Variants in DSCAML1 observed in about 807,000 individuals in gnomAD.
DSCAML1 encodes cell adhesion molecule DSCAML1.
Under a neutral mutation model 200.5 loss-of-function variants are expected in DSCAML1, and 38 were observed. The ratio of observed to expected loss-of-function variants is 0.19; its 90% CI spans 0.15 to 0.25. DSCAML1 has a LOEUF of 0.25. DSCAML1 is among the 10% of genes least tolerant of loss of function. The probability of loss-of-function intolerance (pLI) is 1.00; values close to 1 mark genes in which losing one functional copy is unlikely to be tolerated. For missense variants in DSCAML1, 2,223 were observed against 2,858.8 expected (o/e 0.78, Z 5.07); for synonymous variants, 1,215 against 1,165.0 (o/e 1.04, Z -0.87).
intron 11 of DSCAML1, 34 bp from the exon 12 acceptor site, chr11:117,482,196 G>C (rs770743480): frequency 1.2e-6 from 2 of 1,611,824 alleles, no homozygotes; most frequent in Admixed American, 1.7e-5. Context: ...CCCAGTGAAG[G>C]TCGGGAGACC....
intron 19 of DSCAML1, among the ~76,000 whole-genome samples, chr11:117,457,872 G>T (rs1378601093): frequency 1.3e-5 from 2 of 152,214 alleles, no homozygotes; most frequent in Non-Finnish European, 2.9e-5. Flanking sequence ...TGGAAAGGAA[G>T]CCACCATGCC....
chr11:117,699,860 C>T (rs1459519132), intron 3 of DSCAML1, among the ~76,000 whole-genome samples: 1 of 152,240 alleles, frequency 6.6e-6, no homozygotes, highest in African/African-American at 2.4e-5. Flanking sequence ...CATACACATA[C>T]ACTCCACCCA....
At chr11:117,703,132 A>G (rs2053697717) in intron 3 of DSCAML1, among the ~76,000 whole-genome samples, 1 of 152,194 alleles carries the variant, frequency 6.6e-6, no homozygotes, top group African/African-American at 2.4e-5. Context: ...GGGGAGCAGA[A>G]GCCAGAGCCT....
chr11:117,669,784 A>G (rs1203490553), intron 3 of DSCAML1, among the ~76,000 whole-genome samples: 1 of 152,214 alleles, frequency 6.6e-6, no homozygotes. Flanking sequence ...CTGAAGGAAC[A>G]TGTGCAAAGG....
chr11:117,669,029 C>A (rs146111310), intron 3 of DSCAML1, among the ~76,000 whole-genome samples: 19 of 152,218 alleles, frequency 1.2e-4, no homozygotes, highest in African/African-American at 4.6e-4. Context: ...TTCCAGCCAC[C>A]TCTCCTCTCC....
chr11:117,627,672 G>C (rs953793035), intron 3 of DSCAML1, among the ~76,000 whole-genome samples: 1 of 152,012 alleles, frequency 6.6e-6, no homozygotes, highest in Non-Finnish European at 1.5e-5. Flanking sequence ...GAACTCCTGC[G>C]CCAGGCACTT....
chr11:117,531,931 AGGAGGGAGGAGGGAG>A lies in DSCAML1; in HGVS notation c.658+430_658+444del, dbSNP rs1362413694. 9.8e-5 allele frequency among the ~76,000 whole-genome samples: 6 copies of A among 60,996 alleles called. No homozygotes were observed. The East Asian group carries it at 1.5e-3, about 15-fold the overall frequency. 40.0% of individuals were successfully genotyped at this position (60,996 alleles called of 152,430 possible). ...AAGGGAAGGAAAGGGAAGGGAAGGG[AGGAGGGAGGAGGGAG>A]GGAGGGAGGGAGGGAGGGAGGGACG... On this transcript the variant is annotated intron_variant, in intron 4 of 32. Coordinates refer to ENST00000651296, the MANE Select transcript of DSCAML1 (RefSeq NM_020693.4).
chr11:117,644,104 C>G (rs1345653138), intron 3 of DSCAML1, among the ~76,000 whole-genome samples: 1 of 152,186 alleles, frequency 6.6e-6, no homozygotes, highest in Non-Finnish European at 1.5e-5. Context: ...GGAAGGGGCC[C>G]GTGATGAAGT....
intron 3 of DSCAML1, among the ~76,000 whole-genome samples, chr11:117,689,603 T>TG (rs1394450223): frequency 6.6e-6 from 1 of 151,512 alleles, no homozygotes; most frequent in African/African-American, 2.4e-5. Flanking sequence ...GGACATAGAG[T>TG]GGGGGTGAAG....
At chr11:117,635,444 T>C (rs542077084) in intron 3 of DSCAML1, among the ~76,000 whole-genome samples, 34 of 146,744 alleles carry the variant, frequency 2.3e-4, no homozygotes, top group African/African-American at 9.1e-4. Flanking sequence ...TCCTAGTGTG[T>C]GTGGTGTGTG....
intron 16 of DSCAML1, among the ~76,000 whole-genome samples, chr11:117,468,196 G>A (rs2511050): frequency 0.13 from 20,174 of 151,948 alleles, 1,931 homozygotes; most frequent in African/African-American, 0.27. Flanking sequence ...AGGGCTGATT[G>A]CAAATTTATG....
At chr11:117,765,361 T>C (rs557356299) in intron 3 of DSCAML1, among the ~76,000 whole-genome samples, 2 of 152,270 alleles carry the variant, frequency 1.3e-5, no homozygotes, top group Admixed American at 6.5e-5. Context: ...GCTTTGGCCT[T>C]AGGGGGTAAC....
At chr11:117,633,392 A>T (rs926478300) in intron 3 of DSCAML1, among the ~76,000 whole-genome samples, 11 of 152,172 alleles carry the variant, frequency 7.2e-5, no homozygotes, top group African/African-American at 2.4e-4. Flanking sequence ...GACACGGCTA[A>T]ATCCAGCCTT....
intron 1 of DSCAML1, among the ~76,000 whole-genome samples, chr11:117,788,118 G>T (rs1312393472): frequency 6.6e-6 from 1 of 152,170 alleles, no homozygotes; most frequent in Non-Finnish European, 1.5e-5. Flanking sequence ...AGAGGGTTGA[G>T]TTTCCCAGAC....
rs139807692 is a variant in DSCAML1, at chr11:117,650,380, T to C, written c.512-117858A>G. Among the ~76,000 whole-genome samples, 167 of 152,262 alleles carry C rather than the reference T, an allele frequency of 1.1e-3. 1 individual carries two copies. Among genetic ancestry groups the C allele is most frequent in the Middle Eastern group, 6.8e-3 (2 of 294 alleles). On this transcript the variant is annotated intron_variant, in intron 3 of 32. Transcript: ENST00000651296. ...ATGTTGCCAGGATCCAGTTATGGGA[T>C]TCAGAAGATACTCCACAGATGTTAG...
At chr11:117,597,962 G>C (rs2051393933) in intron 3 of DSCAML1, among the ~76,000 whole-genome samples, 1 of 152,098 alleles carries the variant, frequency 6.6e-6, no homozygotes, top group South Asian at 2.1e-4. Context: ...TGGGCATACT[G>C]AGCGTATAGA....
chr11:117,552,904 G>A (rs995504973), intron 3 of DSCAML1, among the ~76,000 whole-genome samples: 1 of 152,192 alleles, frequency 6.6e-6, no homozygotes, highest in South Asian at 2.1e-4. Context: ...CTACAAGTGC[G>A]CGATGTGCTC....
intron 3 of DSCAML1, among the ~76,000 whole-genome samples, chr11:117,632,416 G>A (rs2052193570): frequency 6.6e-6 from 1 of 152,210 alleles, no homozygotes; most frequent in South Asian, 2.1e-4. Flanking sequence ...GGCACCTGAA[G>A]ACAGGAACTA....
At chr11:117,735,308 T>C (rs1213923394) in intron 3 of DSCAML1, among the ~76,000 whole-genome samples, 1 of 152,164 alleles carries the variant, frequency 6.6e-6, no homozygotes, top group Non-Finnish European at 1.5e-5. Context: ...GCCATGGGGC[T>C]GGTTTACAAG....
Sources: allele counts gnomAD v4.1 joint callset (sites outside exome capture counted in the v4.1 genomes callset), GRCh38; gene constraint gnomAD v4.1.1; transcripts MANE v1.5; gene names NCBI Gene and HGNC (gene_info 2026-07-23, HGNC 2026-07-21).